Variants in SLC25A21 observed in about 807,000 individuals in gnomAD.
SLC25A21 encodes the protein solute carrier family 25 member 21, also known as mitochondrial 2-oxodicarboxylate carrier.
SLC25A21 carries 47 observed loss-of-function variants against 43.8 expected under a neutral mutation model. The observed-to-expected ratio is 1.07, with a 90% CI of 0.85 to 1.37. The LOEUF (loss-of-function observed/expected upper bound fraction) is 1.37, where lower values mean the gene tolerates loss of function less well. Among genes scored for constraint, SLC25A21 ranks in the 40% most tolerant of loss-of-function variants. SLC25A21 has a pLI of 0.00. For missense variants in SLC25A21, 352 were observed against 350.2 expected, an observed-to-expected ratio of 1.00 and a Z score of -0.04; for synonymous variants, 131 against 121.3, an observed-to-expected ratio of 1.08 and a Z score of -0.52.
intron 2 of SLC25A21, among the ~76,000 whole-genome samples, chr14:36,834,014 A>T (rs1038563950): frequency 6.6e-6 from 1 of 152,216 alleles, no homozygotes; most frequent in Non-Finnish European, 1.5e-5. Flanking sequence ...TCTAGCGTAC[A>T]CCTATCCCCT....
intron 2 of SLC25A21, among the ~76,000 whole-genome samples, chr14:36,866,263 T>C (rs1344786525): frequency 6.6e-6 from 1 of 152,222 alleles, no homozygotes; most frequent in African/African-American, 2.4e-5. Context: ...GGTCCACTGC[T>C]GTACCTTTGG....
At chr14:36,762,716 C>T (rs1274428281) in intron 3 of SLC25A21, among the ~76,000 whole-genome samples, 1 of 152,116 alleles carries the variant, frequency 6.6e-6, no homozygotes, top group Admixed American at 6.5e-5. Context: ...AAGTTTAGTG[C>T]CTTCATCTGT....
At chr14:37,133,193 G>A (rs886411564) in intron 1 of SLC25A21, among the ~76,000 whole-genome samples, 3 of 149,192 alleles carry the variant, frequency 2.0e-5, no homozygotes, top group Non-Finnish European at 4.4e-5. Flanking sequence ...ACACAAACAC[G>A]AGAATCACTG....
At chr14:36,948,234 C>T (rs1173500747) in intron 1 of SLC25A21, among the ~76,000 whole-genome samples, 2 of 152,116 alleles carry the variant, frequency 1.3e-5, no homozygotes, top group African/African-American at 4.8e-5. Context: ...TCAGTGGCTT[C>T]GATTTTTTTA....
chr14:36,911,205 AC>A (rs1377633352), intron 1 of SLC25A21, among the ~76,000 whole-genome samples: 19 of 152,316 alleles, frequency 1.2e-4, no homozygotes, highest in Middle Eastern at 6.8e-3. Context: ...TTACTTTATT[AC>A]GTGCTTTCAT....
intron 1 of SLC25A21, among the ~76,000 whole-genome samples, chr14:36,954,310 T>TC (rs1414342919): frequency 6.6e-6 from 1 of 151,866 alleles, no homozygotes; most frequent in East Asian, 1.9e-4. Context: ...GTCTTTATCC[T>TC]CCCCCCATCC....
intron 1 of SLC25A21, among the ~76,000 whole-genome samples, chr14:37,146,304 G>A (rs1325263116): frequency 1.3e-5 from 2 of 152,048 alleles, no homozygotes; most frequent in Non-Finnish European, 2.9e-5. Flanking sequence ...TATATACAGT[G>A]GTACAAACAT....
At chr14:37,168,245 T>C (rs1964064789) in intron 1 of SLC25A21, among the ~76,000 whole-genome samples, 1 of 152,088 alleles carries the variant, frequency 6.6e-6, no homozygotes, top group Non-Finnish European at 1.5e-5. Flanking sequence ...GAAGCTCTCA[T>C]CATTGGTTTC....
chr14:36,745,247 C>T (rs578221597), intron 3 of SLC25A21, among the ~76,000 whole-genome samples: 145 of 151,996 alleles, frequency 9.5e-4, no homozygotes, highest in Middle Eastern at 3.4e-3. Flanking sequence ...CTATTATTGA[C>T]GGATATTTGG....
chr14:36,955,461 C>T (rs529871610), intron 1 of SLC25A21, among the ~76,000 whole-genome samples: 2 of 152,246 alleles, frequency 1.3e-5, no homozygotes, highest in African/African-American at 4.8e-5. Flanking sequence ...CTGGAAAGGA[C>T]ACTTGGGGAC....
chr14:37,128,911 C>T (rs113733809), intron 1 of SLC25A21, among the ~76,000 whole-genome samples: 2 of 152,224 alleles, frequency 1.3e-5, no homozygotes, highest in African/African-American at 2.4e-5. Flanking sequence ...TCTTGGTTAG[C>T]ACAAATTCAT....
chr14:37,135,942 G>A (rs910183769), intron 1 of SLC25A21, among the ~76,000 whole-genome samples: 1 of 152,148 alleles, frequency 6.6e-6, no homozygotes, highest in Non-Finnish European at 1.5e-5. Context: ...TATGTATTAT[G>A]ATAGTAACTA....
chr14:36,707,026 GTC>G (rs1280531883), intron 7 of SLC25A21, among the ~76,000 whole-genome samples: 1 of 152,194 alleles, frequency 6.6e-6, no homozygotes, highest in African/African-American at 2.4e-5. Flanking sequence ...ATCCCCTTGT[GTC>G]TCTCTAGCAA....
At chr14:37,113,534 A>G (rs55764696) in intron 1 of SLC25A21, among the ~76,000 whole-genome samples, 6,168 of 152,194 alleles carry the variant, frequency 0.041, 439 homozygotes, top group African/African-American at 0.14. Context: ...AATACCATAT[A>G]CAATTATTGT....
intron 7 of SLC25A21, among the ~76,000 whole-genome samples, chr14:36,691,882 T>C (rs948538803): frequency 3.3e-5 from 5 of 152,192 alleles, no homozygotes; most frequent in Non-Finnish European, 5.9e-5. Context: ...TGGAGCTGAG[T>C]AGTCTGAAAT....
chr14:36,833,586 A>G (rs927267471), intron 2 of SLC25A21, among the ~76,000 whole-genome samples: 10 of 152,370 alleles, frequency 6.6e-5, no homozygotes, highest in Admixed American at 2.0e-4. Flanking sequence ...GTTGATGTGT[A>G]TCTACTTAGG....
rs1266000293 is a variant in SLC25A21, at chr14:36,913,522, T to C, written c.71-38518A>G. Among the ~76,000 whole-genome samples the C allele has an allele frequency of 3.3e-5, 5 of 152,272 alleles. No individual in the cohort carries two copies. The East Asian group carries it at 9.7e-4, about 29-fold the overall frequency. On this transcript the variant is annotated intron_variant, in intron 1 of 9. Transcript: ENST00000331299. ...AATTCCTGAGCTCAAGTGATCTTCC[T>C]GCCTCAGCCTCCCAGAGTGCTAGGA...
intron 1 of SLC25A21, among the ~76,000 whole-genome samples, chr14:37,070,601 T>C (rs911001546): frequency 1.1e-4 from 17 of 152,220 alleles, no homozygotes; most frequent in African/African-American, 3.9e-4. Context: ...CTAATTATTA[T>C]TCTTTTGTTC....
chr14:37,009,269 T>C (rs1248461565), intron 1 of SLC25A21, among the ~76,000 whole-genome samples: 1 of 152,048 alleles, frequency 6.6e-6, no homozygotes, highest in African/African-American at 2.4e-5. Context: ...GGGTGAATCA[T>C]ATGAGGTCAG....
Sources: gnomAD v4.1 joint callset for allele counts (sites outside exome capture counted in the v4.1 genomes callset) on GRCh38, gnomAD v4.1.1 for gene constraint, MANE v1.5 for transcripts, NCBI Gene and HGNC (gene_info 2026-07-23, HGNC 2026-07-21) for gene names.